SLC4A5: variants seen among roughly 807,000 people sequenced by gnomAD.
SLC4A5 encodes the protein solute carrier family 4 member 5, also known as electrogenic sodium bicarbonate cotransporter 4.
In SLC4A5, 96 loss-of-function variants were observed where a neutral mutation model predicts 120.4. The ratio of observed to expected loss-of-function variants is 0.80; its 90% CI spans 0.68 to 0.94. The LOEUF is 0.94. Among genes scored for constraint, SLC4A5 ranks in the 40% least tolerant of loss-of-function variants. The pLI is 0.00. For missense variants in SLC4A5, 1,259 were observed against 1,459.5 expected (o/e 0.86, Z 2.24); for synonymous variants, 550 against 571.1 (o/e 0.96, Z 0.53).
At chr2:74,272,476 G>T (rs1671505666) in intron 8 of SLC4A5, among the ~76,000 whole-genome samples, 1 of 152,208 alleles carries the variant, frequency 6.6e-6, no homozygotes, top group Non-Finnish European at 1.5e-5. Flanking sequence ...GTGTACCATG[G>T]TTGGCTTCAA....
chr2:74,242,690 T>C (rs1441300134), intron 19 of SLC4A5, among the ~76,000 whole-genome samples: 1 of 152,198 alleles, frequency 6.6e-6, no homozygotes, highest in African/African-American at 2.4e-5. Flanking sequence ...GCCTCTTTTT[T>C]TGCCCAGGCT....
At chr2:74,295,730 G>C (rs1672306574) in intron 7 of SLC4A5, among the ~76,000 whole-genome samples, 1 of 152,148 alleles carries the variant, frequency 6.6e-6, no homozygotes, top group African/African-American at 2.4e-5. Flanking sequence ...CTTCAACAAA[G>C]CCTGCTGCTC....
At chr2:74,252,513 G>T in intron 15 of SLC4A5, 125 bp from the exon 16 acceptor site, 2 of 1,087,004 alleles carry the variant, frequency 1.8e-6, no homozygotes, top group Non-Finnish European at 1.3e-6. Context: ...ATATCCACAC[G>T]CAGGTCACCT....
chr2:74,314,636 A>G (rs1300777431), intron 6 of SLC4A5, among the ~76,000 whole-genome samples: 6 of 152,182 alleles, frequency 3.9e-5, no homozygotes, highest in Admixed American at 3.9e-4. Flanking sequence ...CTATTAATAT[A>G]AAATGTTGAT....
At chr2:74,224,777 G>C in intron 28 of SLC4A5, 63 bp downstream of exon 28, 2 of 1,567,516 alleles carry the variant, frequency 1.3e-6, no homozygotes, top group Non-Finnish European at 1.7e-6. Flanking sequence ...CCCTGTCCCT[G>C]GCAAAAGTGG....
intron 6 of SLC4A5, among the ~76,000 whole-genome samples, chr2:74,314,333 A>G (rs765753043): frequency 6.6e-6 from 1 of 152,044 alleles, no homozygotes; most frequent in Non-Finnish European, 1.5e-5. Context: ...AAGTTCTCCT[A>G]GCAACTCTTT....
Position 74,229,116 on chromosome 2 carries a change from T to TTTTTTTG in SLC4A5, c.2848-1239_2848-1238insCAAAAAA, listed in dbSNP as rs1553451209. ...TCTTAGATTTGAGCTTTTTTTTTTT[T>TTTTTTTG]CTTGAGACAGAGTCTCGATATGTTG... On this transcript the variant is annotated intron_variant, in intron 25 of 30. Transcript: ENST00000394019. 1.5e-5 allele frequency among the ~76,000 whole-genome samples: 2 copies of TTTTTTTG among 136,466 alleles called. 1 individual carries two copies. The highest frequency in any genetic ancestry group is 1.6e-4 in the Admixed American group (2 of 12,538). 89.5% of individuals were successfully genotyped at this position (136,466 alleles called of 152,430 possible).
intron 4 of SLC4A5, among the ~76,000 whole-genome samples, chr2:74,332,037 G>A (rs1673376752): frequency 6.6e-6 from 1 of 152,114 alleles, no homozygotes; most frequent in African/African-American, 2.4e-5. Context: ...GTTTCATTCT[G>A]AGGGAAAGAA....
At chr2:74,277,573 A>G (rs1230932727) in intron 8 of SLC4A5, among the ~76,000 whole-genome samples, 1 of 152,180 alleles carries the variant, frequency 6.6e-6, no homozygotes, top group Non-Finnish European at 1.5e-5. Context: ...AAAAAAAAAA[A>G]TAAAGTACTG....
At chr2:74,262,419 G>C (rs548367402) in intron 10 of SLC4A5, among the ~76,000 whole-genome samples, 187 bp from the exon 11 acceptor site, 2 of 150,000 alleles carry the variant, frequency 1.3e-5, no homozygotes, top group South Asian at 4.2e-4. Context: ...AAGATTACAG[G>C]CTGGGCACGA....
At chr2:74,314,585 T>C (rs563804084) in intron 6 of SLC4A5, among the ~76,000 whole-genome samples, 1 of 152,316 alleles carries the variant, frequency 6.6e-6, no homozygotes, top group Admixed American at 6.5e-5. Flanking sequence ...CACCTCAACA[T>C]CCTCTTGCAC....
intron 10 of SLC4A5, among the ~76,000 whole-genome samples, chr2:74,263,696 T>A (rs1372528573): frequency 6.6e-6 from 1 of 152,216 alleles, no homozygotes; most frequent in African/African-American, 2.4e-5. Context: ...CTGAGGCTCT[T>A]GACCTCTCTA....
At chr2:74,249,698 A>G (rs147682764) in intron 17 of SLC4A5, among the ~76,000 whole-genome samples, 208 of 152,252 alleles carry the variant, frequency 1.4e-3, no homozygotes, top group Non-Finnish European at 2.3e-3. Context: ...AAGGGACGCA[A>G]TGTCAGCTGT....
At chr2:74,298,173 A>G (rs1462991519) in intron 7 of SLC4A5, among the ~76,000 whole-genome samples, 1 of 152,228 alleles carries the variant, frequency 6.6e-6, no homozygotes, top group Non-Finnish European at 1.5e-5. Flanking sequence ...ATTTCAAGCT[A>G]TATTACAAAG....
At position 74,257,689 on chromosome 2, in the gene SLC4A5, C is replaced by T. The variant is rs143481494; in HGVS notation, c.868-1757G>A. Among the ~76,000 whole-genome samples, 795 of 150,016 alleles carry T rather than the reference C, an allele frequency of 5.3e-3. 6 individuals carry two copies. Among genetic ancestry groups the T allele is most frequent in the South Asian group, 0.022 (95 of 4,402 alleles). On this transcript the variant is annotated intron_variant, in intron 12 of 30. Transcript: ENST00000394019. ...CCTCCTCCTGGGTTCAAGCAGTTCTCGTGCCTGTCTGGCACATGCCTGGGA... is the reference window on the plus strand; with the variant it reads ...CCTCCTCCTGGGTTCAAGCAGTTCTTGTGCCTGTCTGGCACATGCCTGGGA...
intron 12 of SLC4A5, among the ~76,000 whole-genome samples, chr2:74,257,573 TTTG>T (rs1671009464): frequency 6.6e-6 from 1 of 151,766 alleles, no homozygotes; most frequent in South Asian, 2.1e-4. Flanking sequence ...CCCACTTGTT[TTTG>T]TTGTTGTTTT....
intron 8 of SLC4A5, among the ~76,000 whole-genome samples, chr2:74,271,184 G>GA (rs1671464333): frequency 6.6e-6 from 1 of 152,128 alleles, no homozygotes; most frequent in Non-Finnish European, 1.5e-5. Context: ...AGATCATGTA[G>GA]AATGTCCTCT....
intron 7 of SLC4A5, 122 bp downstream of exon 7, chr2:74,304,367 G>A (rs775260210): frequency 1.2e-5 from 12 of 1,037,826 alleles, no homozygotes; most frequent in African/African-American, 3.2e-5. Flanking sequence ...GGGCCAGAGA[G>A]GTTAGGCTGA....
intron 8 of SLC4A5, among the ~76,000 whole-genome samples, chr2:74,283,126 T>C (rs1293640382): frequency 6.6e-6 from 1 of 152,122 alleles, no homozygotes; most frequent in East Asian, 1.9e-4. Context: ...CACTGGAAGT[T>C]AGAGACAGAA....
Sources: gnomAD v4.1 joint callset for allele counts (sites outside exome capture counted in the v4.1 genomes callset) on GRCh38, gnomAD v4.1.1 for gene constraint, MANE v1.5 for transcripts, NCBI Gene and HGNC (gene_info 2026-07-23, HGNC 2026-07-21) for gene names.